Variants in RARB observed in about 807,000 individuals in gnomAD.
RARB encodes the protein HBV-activated protein.
Under a neutral mutation model 51.9 loss-of-function variants are expected in RARB, and 17 were observed. The observed-to-expected ratio is 0.33, with a 90% CI of 0.22 to 0.49. RARB has a LOEUF of 0.49. Ranked by LOEUF, RARB falls within the 20% of genes least tolerant of loss-of-function variation. The pLI is 0.99. For synonymous variants in RARB, 215 were observed against 195.4 expected (o/e 1.10, Z -0.84); for missense variants, 369 against 550.8 (o/e 0.67, Z 3.30).
At chr3:24,947,829 C>T (rs1410499476) in intron 2 of RARB, among the ~76,000 whole-genome samples, 1 of 152,138 alleles carries the variant, frequency 6.6e-6, no homozygotes, top group African/African-American at 2.4e-5. Context: ...CTCTGTGTGA[C>T]TCTGGCCCAA....
intron 1 of RARB, among the ~76,000 whole-genome samples, chr3:25,451,533 CAG>C (rs1709195305): frequency 6.6e-6 from 1 of 152,134 alleles, no homozygotes; most frequent in South Asian, 2.1e-4. Context: ...AGAAACAAAA[CAG>C]AAAAATTTCT....
chr3:25,438,408 A>G (rs560845466), intron 1 of RARB, among the ~76,000 whole-genome samples: 1 of 152,356 alleles, frequency 6.6e-6, no homozygotes, highest in East Asian at 1.9e-4. Context: ...TATATGCACT[A>G]TAACAAGAAA....
At chr3:25,069,587 C>G (rs1185113873) in intron 3 of RARB, among the ~76,000 whole-genome samples, 1 of 152,150 alleles carries the variant, frequency 6.6e-6, no homozygotes. Context: ...ATCTCACTGT[C>G]TACCACCTGG....
intron 5 of RARB, among the ~76,000 whole-genome samples, chr3:25,376,314 T>C (rs1706457842): frequency 6.6e-6 from 1 of 152,182 alleles, no homozygotes; most frequent in African/African-American, 2.4e-5. Flanking sequence ...GCTCCATTAT[T>C]GTCTGTGGGA....
intron 5 of RARB, among the ~76,000 whole-genome samples, chr3:25,230,448 A>AT (rs2125389903): frequency 6.6e-6 from 1 of 152,224 alleles, no homozygotes; most frequent in East Asian, 1.9e-4. Flanking sequence ...AAACAAGCAT[A>AT]ATGTCCTATT....
intron 4 of RARB, among the ~76,000 whole-genome samples, chr3:25,160,167 A>G (rs991995292): frequency 1.3e-5 from 2 of 152,224 alleles, no homozygotes; most frequent in African/African-American, 4.8e-5. Flanking sequence ...GCTCTATCAT[A>G]TATTATCTCT....
chr3:24,902,665 C>G (rs190506383), intron 2 of RARB, among the ~76,000 whole-genome samples: 1 of 152,248 alleles, frequency 6.6e-6, no homozygotes, highest in East Asian at 1.9e-4. Context: ...GTCTCTGTCT[C>G]TCTTTCTGTT....
At chr3:25,232,877 G>T (rs1255214220) in intron 5 of RARB, among the ~76,000 whole-genome samples, 8 of 151,674 alleles carry the variant, frequency 5.3e-5, no homozygotes, top group Non-Finnish European at 1.0e-4. Context: ...GTGTCCAGTT[G>T]TAAGCTAATG....
At chr3:25,151,028 C>A (rs1316060014) in intron 4 of RARB, among the ~76,000 whole-genome samples, 18 of 152,174 alleles carry the variant, frequency 1.2e-4, no homozygotes, top group Non-Finnish European at 2.9e-5. Context: ...GGCTCAGTGG[C>A]TCCATGTATA....
At chr3:25,067,973 C>T (rs868327773) in intron 3 of RARB, among the ~76,000 whole-genome samples, 1 of 151,282 alleles carries the variant, frequency 6.6e-6, no homozygotes. Flanking sequence ...TCTGTCTCTA[C>T]TAAAAATAAA....
chr3:25,534,338 T>C (rs1286666), intron 3 of RARB, among the ~76,000 whole-genome samples: 57,697 of 152,096 alleles, frequency 0.38, 12,385 homozygotes, highest in African/African-American at 0.6. Flanking sequence ...ACCTGGTATA[T>C]AGTAAGTACT....
intron 3 of RARB, among the ~76,000 whole-genome samples, chr3:25,542,649 T>G (rs1699434171): frequency 6.6e-6 from 1 of 152,242 alleles, no homozygotes; most frequent in Non-Finnish European, 1.5e-5. Context: ...TTTGCAGCTG[T>G]GTGTGCAGAT....
intron 3 of RARB, among the ~76,000 whole-genome samples, chr3:25,550,869 T>C (rs1183000736): frequency 1.3e-5 from 2 of 152,202 alleles, no homozygotes; most frequent in African/African-American, 4.8e-5. Flanking sequence ...ATTAGTTTGC[T>C]GAAGATAATG....
At chr3:25,178,719 A>C (rs1457700119) in intron 5 of RARB, among the ~76,000 whole-genome samples, 1 of 152,206 alleles carries the variant, frequency 6.6e-6, no homozygotes, top group Non-Finnish European at 1.5e-5. Context: ...AGCCACTATC[A>C]GTTTTCGTCA....
intron 5 of RARB, 25 bp from the exon 6 acceptor site, chr3:25,593,478 T>G: frequency 6.3e-7 from 1 of 1,582,638 alleles, no homozygotes; most frequent in Non-Finnish European, 8.7e-7. Flanking sequence ...GCTTAGAACA[T>G]CCATCAATTT....
At chr3:24,993,671 A>C (rs1006758275) in intron 2 of RARB, among the ~76,000 whole-genome samples, 1 of 152,008 alleles carries the variant, frequency 6.6e-6, no homozygotes, top group Non-Finnish European at 1.5e-5. Context: ...CCCTTCCCCC[A>C]ACCTTCTCAG....
intron 5 of RARB, among the ~76,000 whole-genome samples, chr3:25,350,337 G>C (rs550498012): frequency 1.3e-4 from 20 of 152,024 alleles, no homozygotes; most frequent in Non-Finnish European, 2.5e-4. Flanking sequence ...CCACAATCAG[G>C]CCAGCTCAGC....
intron 1 of RARB, among the ~76,000 whole-genome samples, chr3:24,853,180 G>A (rs546439241): frequency 9.4e-4 from 143 of 151,830 alleles, no homozygotes; most frequent in African/African-American, 3.3e-3. Context: ...AGCCAGGCAT[G>A]GTGGCAGGCA....
At chr3:25,005,568 C>G (rs1477327789) in intron 2 of RARB, among the ~76,000 whole-genome samples, 1 of 152,104 alleles carries the variant, frequency 6.6e-6, no homozygotes, top group Non-Finnish European at 1.5e-5. Context: ...GAGCAAATGA[C>G]TTAAGAGATA....
Sources: allele counts gnomAD v4.1 joint callset (sites outside exome capture counted in the v4.1 genomes callset), GRCh38; gene constraint gnomAD v4.1.1; transcripts MANE v1.5; gene names NCBI Gene and HGNC (gene_info 2026-07-23, HGNC 2026-07-21).